MYO1B: variants seen among roughly 807,000 people sequenced by gnomAD.
The protein encoded by MYO1B is myosin IB.
In MYO1B, 72 loss-of-function variants were observed where a neutral mutation model predicts 159.7. That is an observed-to-expected ratio of 0.45 (90% confidence interval 0.37 to 0.55). The LOEUF is 0.55. Among genes scored for constraint, MYO1B ranks in the 20% least tolerant of loss-of-function variants. The pLI, the probability that MYO1B is intolerant of heterozygous loss-of-function variation, is 0.00. For synonymous variants in MYO1B, 468 were observed against 473.8 expected, an observed-to-expected ratio of 0.99 and a Z score of 0.16; for missense variants, 1,062 against 1,364.8, an observed-to-expected ratio of 0.78 and a Z score of 3.50.
chr2:191,254,505 C>T (rs1014330709), intron 1 of MYO1B, among the ~76,000 whole-genome samples: 4 of 151,898 alleles, frequency 2.6e-5, no homozygotes, highest in East Asian at 1.9e-4. Flanking sequence ...CCACCGCGCC[C>T]GGCCTCTTTT....
chr2:191,363,866 G>A lies in MYO1B; in HGVS notation c.904G>A (p.Asp302Asn). ...VNGLDESKIK[D>N]KNELKEICEL... ...TGGTCTAGATGAAAGCAAAATCAAA[G>A]ATAAAAATGGTACATCCGTGGAGAA... The change falls in exon 10 of 31, where the codon GAT becomes AAT. Residue 302 changes from aspartate to asparagine, a missense_variant. Transcript: ENST00000392318. 1 of 1,613,572 alleles carries A rather than the reference G, an allele frequency of 6.2e-7. No homozygotes were observed. The highest frequency in any genetic ancestry group is 1.1e-5 in the South Asian group (1 of 90,928).
At chr2:191,398,463 T>G in intron 21 of MYO1B, among the ~76,000 whole-genome samples, 2 of 138,514 alleles carry the variant, frequency 1.4e-5, no homozygotes, top group Admixed American at 7.2e-5. Flanking sequence ...CGCTCCTCAC[T>G]TCCCAGACGG....
intron 2 of MYO1B, among the ~76,000 whole-genome samples, chr2:191,278,696 G>C (rs1687885506): frequency 6.6e-6 from 1 of 152,238 alleles, no homozygotes; most frequent in African/African-American, 2.4e-5. Flanking sequence ...TGCAGAGCAG[G>C]GGGTGGCATT....
At chr2:191,272,339 C>T (rs1483953638) in intron 1 of MYO1B, among the ~76,000 whole-genome samples, 1 of 152,148 alleles carries the variant, frequency 6.6e-6, no homozygotes, top group Non-Finnish European at 1.5e-5. Context: ...GAATATACTG[C>T]CAAGTCCCAA....
intron 2 of MYO1B, among the ~76,000 whole-genome samples, chr2:191,286,342 A>T (rs1009174042): frequency 1.5e-5 from 2 of 129,600 alleles, no homozygotes; most frequent in Non-Finnish European, 3.1e-5. Flanking sequence ...CTGTGTCTTT[A>T]AAAAAAAAAA....
intron 20 of MYO1B, 53 bp downstream of exon 20, chr2:191,393,275 TTTA>T: frequency 6.3e-7 from 1 of 1,589,634 alleles, no homozygotes; most frequent in Admixed American, 1.7e-5. Flanking sequence ...TTTGCCAACA[TTTA>T]TTATGTACTT....
chr2:191,255,387 A>G (rs1686377139), intron 1 of MYO1B, among the ~76,000 whole-genome samples: 2 of 152,210 alleles, frequency 1.3e-5, no homozygotes, highest in South Asian at 2.1e-4. Context: ...AGAAACAGAA[A>G]GGCGGAGAGA....
chr2:191,300,226 A>G (rs879662582), intron 3 of MYO1B, among the ~76,000 whole-genome samples: 6 of 152,158 alleles, frequency 3.9e-5, no homozygotes, highest in Non-Finnish European at 8.8e-5. Context: ...TAAATATTTC[A>G]TGAATTTAGT....
intron 17 of MYO1B, among the ~76,000 whole-genome samples, chr2:191,388,535 G>T (rs1201973293): frequency 6.6e-6 from 1 of 152,056 alleles, no homozygotes; most frequent in Non-Finnish European, 1.5e-5. Flanking sequence ...GAATATTTTT[G>T]TGTTTAGTTT....
At chr2:191,388,786 A>AT (rs1417345468) in intron 17 of MYO1B, among the ~76,000 whole-genome samples, 4 of 151,654 alleles carry the variant, frequency 2.6e-5, no homozygotes, top group South Asian at 4.2e-4. Flanking sequence ...GAACAGTTCA[A>AT]TTTTTTTTTA....
chr2:191,284,654 A>T lies in MYO1B; in HGVS notation c.135+7624A>T, dbSNP rs117122545. 6.8e-4 allele frequency among the ~76,000 whole-genome samples: 104 copies of T among 151,900 alleles called. 1 individual carries two copies. In the East Asian group the frequency reaches 0.013, roughly 20 times the overall value. On this transcript the variant is annotated intron_variant, in intron 2 of 30. Transcript: ENST00000392318. Reference sequence around the variant, plus strand: ...ACATTGATGTTTTCTTTTTTTCGAGACAGAGTCTAGCTCTGTCCCCCAGGC... The same window carrying T: ...ACATTGATGTTTTCTTTTTTTCGAGTCAGAGTCTAGCTCTGTCCCCCAGGC...
intron 3 of MYO1B, among the ~76,000 whole-genome samples, chr2:191,298,565 G>A (rs1369713541): frequency 6.6e-6 from 1 of 152,080 alleles, no homozygotes; most frequent in African/African-American, 2.4e-5. Flanking sequence ...ATTCTTAGGC[G>A]CATGTAAGTC....
intron 7 of MYO1B, among the ~76,000 whole-genome samples, chr2:191,358,958 C>T (rs1008180025): frequency 6.6e-6 from 1 of 152,204 alleles, no homozygotes; most frequent in Non-Finnish European, 1.5e-5. Flanking sequence ...TGAAGGAATT[C>T]GTGCATGAAT....
intron 19 of MYO1B, among the ~76,000 whole-genome samples, chr2:191,392,623 T>C (rs1025023352): frequency 6.6e-6 from 1 of 152,210 alleles, no homozygotes; most frequent in Non-Finnish European, 1.5e-5. Flanking sequence ...TTTAGCATTC[T>C]ACCTCATAGA....
chr2:191,375,673 T>G (rs1293504834), intron 13 of MYO1B, among the ~76,000 whole-genome samples: 1 of 152,118 alleles, frequency 6.6e-6, no homozygotes, highest in Non-Finnish European at 1.5e-5. Flanking sequence ...GTTATAAGAA[T>G]GTCCAAACTT....
intron 5 of MYO1B, among the ~76,000 whole-genome samples, chr2:191,345,040 C>G (rs1420064444): frequency 6.6e-6 from 1 of 152,062 alleles, no homozygotes; most frequent in African/African-American, 2.4e-5. Flanking sequence ...CTAATCTGCT[C>G]CCTGTTTAAT....
At chr2:191,413,995 G>T in intron 27 of MYO1B, 53 bp from the exon 28 acceptor site, 2 of 1,533,350 alleles carry the variant, frequency 1.3e-6, no homozygotes, top group Admixed American at 2.2e-5. Context: ...CCTTTTTTTA[G>T]TGGTACTTTC....
intron 21 of MYO1B, among the ~76,000 whole-genome samples, chr2:191,397,848 G>A (rs1401422755): frequency 4.2e-5 from 6 of 144,154 alleles, no homozygotes; most frequent in Admixed American, 1.3e-4. Flanking sequence ...CCTCCCAGAC[G>A]GGGCGGCTGG....
chr2:191,292,467 A>G (rs900558097), intron 2 of MYO1B, among the ~76,000 whole-genome samples: 10 of 152,284 alleles, frequency 6.6e-5, no homozygotes, highest in East Asian at 1.9e-4. Context: ...CTAACTGGCA[A>G]TTGGTTAAAA....
Sources: allele counts gnomAD v4.1 joint callset (sites outside exome capture counted in the v4.1 genomes callset), GRCh38; gene constraint gnomAD v4.1.1; transcripts MANE v1.5; gene names NCBI Gene and HGNC (gene_info 2026-07-23, HGNC 2026-07-21).